The following TMX2 variants were observed in gnomAD, a reference collection of about 807,000 sequenced individuals.
TMX2 encodes thioredoxin-related transmembrane protein 2.
TMX2 carries 20 observed loss-of-function variants against 33.4 expected under a neutral mutation model. That is an observed-to-expected ratio of 0.60 (90% CI 0.42 to 0.87). TMX2 has a LOEUF of 0.87. Among genes scored for constraint, TMX2 ranks in the 40% least tolerant of loss-of-function variants. The pLI, the probability that TMX2 is intolerant of heterozygous loss-of-function variation, is 0.00. For missense variants in TMX2, 340 were observed against 370.7 expected, an observed-to-expected ratio of 0.92 and a Z score of 0.68; for synonymous variants, 166 against 140.7, an observed-to-expected ratio of 1.18 and a Z score of -1.27.
Position 57,728,681 on chromosome 11 carries a change from C to G in TMX2, c.190-8927C>G, listed in dbSNP as rs145284142. Among the ~76,000 whole-genome samples the G allele has an allele frequency of 9.7e-4, 148 of 152,192 alleles. 1 individual carries two copies. In the East Asian group the frequency reaches 0.024, roughly 25 times the overall value. ...TATTGCTTTTTCTCCTAAAATTTAT[C>G]TTGATTCGGTTCATCTGTGTCCATT... On this transcript the variant is annotated intron_variant, in intron 1 of 7. Transcript: ENST00000278422.
At chr11:57,731,125 GTTTTTTTTTTTTTTTTTTTT>G (rs757832822) in intron 1 of TMX2, among the ~76,000 whole-genome samples, 1 of 85,820 alleles carries the variant, frequency 1.2e-5, no homozygotes, top group Non-Finnish European at 2.2e-5. Flanking sequence ...TTTGTTTTTT[GTTTTTTTTTTTTTTTTTTTT>G]TTTTTTTTGA....
chr11:57,738,829 GT>G, intron 5 of TMX2, 59 bp downstream of exon 5: 2 of 1,568,396 alleles, frequency 1.3e-6, no homozygotes, highest in Non-Finnish European at 1.8e-6. Context: ...CCCTCTCACT[GT>G]TTTTGGCTTT....
chr11:57,738,461 G>A (rs1367594496), intron 4 of TMX2, 31 bp downstream of exon 4: 2 of 1,529,326 alleles, frequency 1.3e-6, no homozygotes, highest in South Asian at 2.3e-5. Flanking sequence ...CTGTTTCTTG[G>A]GTCCCTTGTG....
chr11:57,737,675 TTAG>T lies in TMX2; in HGVS notation c.250+9_250+11del. Reference sequence around the variant, plus strand: ...ATGAAGAACCGCAGATCCAGTAAGTTTAGTTCACTTCTCAGACTCAAGGTTAGA... The same window carrying T: ...ATGAAGAACCGCAGATCCAGTAAGTTTTCACTTCTCAGACTCAAGGTTAGA... On this transcript the variant is annotated splice_region_variant and intron_variant, in intron 2 of 7. Transcript: ENST00000278422. 4.3e-6 allele frequency: 7 copies of T among 1,613,556 alleles called. No homozygotes were observed. The highest frequency in any genetic ancestry group is 5.9e-6 in the Non-Finnish European group (7 of 1,179,470).
chr11:57,721,268 C>G (rs540088048), intron 1 of TMX2, among the ~76,000 whole-genome samples: 1 of 151,860 alleles, frequency 6.6e-6, no homozygotes, highest in Non-Finnish European at 1.5e-5. Flanking sequence ...GCCACCGCAC[C>G]CCAGCCTAGG....
intron 1 of TMX2, among the ~76,000 whole-genome samples, chr11:57,730,521 G>C (rs934836426): frequency 3.6e-4 from 53 of 149,116 alleles, no homozygotes; most frequent in Admixed American, 6.7e-5. Flanking sequence ...CAGATCATCT[G>C]AGGTCAGGAG....
intron 1 of TMX2, among the ~76,000 whole-genome samples, chr11:57,721,175 G>A (rs375843370): frequency 2.0e-5 from 3 of 151,934 alleles, no homozygotes; most frequent in Non-Finnish European, 4.4e-5. Context: ...GGTGGTGTGT[G>A]CCTGCAATCC....
chr11:57,716,707 G>T (rs1486532372), intron 1 of TMX2, among the ~76,000 whole-genome samples: 1 of 136,740 alleles, frequency 7.3e-6, no homozygotes, highest in South Asian at 2.4e-4. Context: ...CAGGCCGGGT[G>T]GGGGGCTGAC....
At chr11:57,734,369 G>C (rs1948611871) in intron 1 of TMX2, among the ~76,000 whole-genome samples, 1 of 152,206 alleles carries the variant, frequency 6.6e-6, no homozygotes, top group Non-Finnish European at 1.5e-5. Context: ...GCAATAGCTA[G>C]TCCCTCCATA....
At chr11:57,722,928 C>T (rs1352090121) in intron 1 of TMX2, among the ~76,000 whole-genome samples, 1 of 150,046 alleles carries the variant, frequency 6.7e-6, no homozygotes, top group Non-Finnish European at 1.5e-5. Context: ...GCCTGGTCAA[C>T]GTGGCAAAAC....
intron 1 of TMX2, among the ~76,000 whole-genome samples, chr11:57,735,057 G>A (rs904218068): frequency 2.6e-5 from 4 of 151,846 alleles, no homozygotes; most frequent in African/African-American, 9.7e-5. Flanking sequence ...TTGAACCTGG[G>A]AGGCGGAGGT....
rs1313410461 is a variant in TMX2, at chr11:57,712,659, T to G, written c.41T>G (p.Val14Gly). The change falls in exon 1 of 8, where the codon GTG becomes GGG. Residue 14 changes from valine to glycine, a missense_variant. Physicochemically the swap from Val to Gly is moderately radical, Grantham distance 109 (BLOSUM62 -3). Around this residue, in one of 3 missense-constraint regions of TMX2, gnomAD observed 106 missense variants for 82.7 expected, o/e 1.28. Transcript: ENST00000278422. The stretch of plus-strand genomic sequence containing the variant: ...CCTCTAATTGCTCTCGTGTATTCGG[T>G]GCCGCGACTTTCACGATGGCTCGCC... ...LAPLIALVYS[V>G]PRLSRWLAQP... The G allele has an allele frequency of 3.7e-6, 6 of 1,614,172 alleles. No homozygotes were observed. Among genetic ancestry groups the G allele is most frequent in the African/African-American group, 2.7e-5 (2 of 75,048 alleles).
At position 57,740,429 on chromosome 11, in the gene TMX2, A is replaced by G. The variant is rs1949016090; in HGVS notation, c.*184A>G. Reference sequence around the variant, plus strand: ...CAGGCACCCTACAGGAAGGCCTGCCATGCTGTGGCCAACTGTTTCACTGGA... The same window carrying G: ...CAGGCACCCTACAGGAAGGCCTGCCGTGCTGTGGCCAACTGTTTCACTGGA... On this transcript the variant is annotated 3_prime_UTR_variant, in exon 8 of 8. Coordinates refer to ENST00000278422, the MANE Select transcript of TMX2 (RefSeq NM_015959.4). 1 of 629,968 alleles carries G rather than the reference A, an allele frequency of 1.6e-6. No homozygotes were observed. Among genetic ancestry groups the G allele is most frequent in the South Asian group, 2.4e-5 (1 of 41,612 alleles). 39.0% of individuals were successfully genotyped at this position (629,968 alleles called of 1,614,324 possible).
intron 7 of TMX2, among the ~76,000 whole-genome samples, chr11:57,739,636 A>G (rs941387929): frequency 2.0e-5 from 3 of 152,132 alleles, no homozygotes; most frequent in African/African-American, 7.2e-5. Flanking sequence ...GCATGCCTAT[A>G]ATGCCAGCTA....
chr11:57,739,643 G>T (rs561930014), intron 7 of TMX2, among the ~76,000 whole-genome samples: 142 of 152,272 alleles, frequency 9.3e-4, no homozygotes, highest in Non-Finnish European at 1.7e-3. Flanking sequence ...TATAATGCCA[G>T]CTATTTGGGA....
intron 1 of TMX2, among the ~76,000 whole-genome samples, chr11:57,719,667 C>T (rs1391444318): frequency 1.3e-5 from 2 of 151,618 alleles, no homozygotes; most frequent in East Asian, 3.9e-4. Context: ...TAGGTGCACA[C>T]CACCACGCCC....
rs1158635605 is a variant in TMX2, at chr11:57,714,114, GTCT to G, written c.189+1312_189+1314del. Among the ~76,000 whole-genome samples the G allele has an allele frequency of 8.5e-5, 13 of 152,260 alleles. No homozygotes were observed. The East Asian group carries it at 2.3e-3, about 27-fold the overall frequency. On this transcript the variant is annotated intron_variant, in intron 1 of 7. Transcript: ENST00000278422. ...CCATATTTTGGGGTGTGAGTCCCTG[GTCT>G]TCTTTATTTCCTTTGTCTGAAACTT...
At chr11:57,729,718 A>G (rs927189935) in intron 1 of TMX2, among the ~76,000 whole-genome samples, 5 of 151,312 alleles carry the variant, frequency 3.3e-5, no homozygotes, top group African/African-American at 1.2e-4. Flanking sequence ...ATGTGCTTCT[A>G]TCGGCATACC....
At chr11:57,716,423 C>T (rs1430712302) in intron 1 of TMX2, among the ~76,000 whole-genome samples, 13 of 130,306 alleles carry the variant, frequency 1.0e-4, no homozygotes, top group Non-Finnish European at 1.7e-4. Flanking sequence ...CCGGACGGGG[C>T]GGCTGGCCGG....
Sources: allele counts gnomAD v4.1 joint callset (sites outside exome capture counted in the v4.1 genomes callset), GRCh38; gene constraint gnomAD v4.1.1; regional missense constraint gnomAD v4.1.1; transcripts MANE v1.5; gene names NCBI Gene and HGNC (gene_info 2026-07-23, HGNC 2026-07-21).